Variants in PDS5B observed in about 807,000 individuals in gnomAD.
PDS5B encodes PDS5 cohesin associated factor B, also known as sister chromatid cohesion protein PDS5 homolog B.
In PDS5B, 51 loss-of-function variants were observed where a neutral mutation model predicts 184.1. That is an observed-to-expected ratio of 0.28 (90% confidence interval 0.22 to 0.35). PDS5B has a LOEUF of 0.35. PDS5B is among the 10% of genes least tolerant of loss of function. PDS5B has a pLI of 1.00. For missense variants in PDS5B, 1,180 were observed against 1,723.3 expected, an observed-to-expected ratio of 0.68 and a Z score of 5.58; for synonymous variants, 566 against 569.2, an observed-to-expected ratio of 0.99 and a Z score of 0.08.
chr13:32,719,886 G>C (rs528827475), intron 19 of PDS5B, among the ~76,000 whole-genome samples: 1 of 150,970 alleles, frequency 6.6e-6, no homozygotes, highest in South Asian at 2.1e-4. Flanking sequence ...TGCCTCCCAG[G>C]TTCTAGCAGT....
At chr13:32,723,458 G>A (rs537572066) in intron 19 of PDS5B, among the ~76,000 whole-genome samples, 1 of 152,234 alleles carries the variant, frequency 6.6e-6, no homozygotes, top group East Asian at 1.9e-4. Flanking sequence ...TTTAATGAGG[G>A]AATAAGAAAT....
intron 34 of PDS5B, among the ~76,000 whole-genome samples, chr13:32,774,787 AT>A (rs1248004928): frequency 6.6e-6 from 1 of 152,110 alleles, no homozygotes; most frequent in Non-Finnish European, 1.5e-5. Context: ...AAGTAAAATA[AT>A]TTTTTTCTTT....
chr13:32,775,088 T>A lies in PDS5B; in HGVS notation c.*36T>A. The A allele has an allele frequency of 9.4e-7, 1 of 1,059,780 alleles. No individual in the cohort carries two copies. The highest frequency in any genetic ancestry group is 1.3e-6 in the Non-Finnish European group (1 of 749,304). 65.6% of individuals were successfully genotyped at this position (1,059,780 alleles called of 1,614,324 possible). On this transcript the variant is annotated 3_prime_UTR_variant, in exon 35 of 35. Transcript: ENST00000315596. Reference sequence around the variant, plus strand: ...TTAATAACTTTCTCTGTGAAAGCTTTGGAAAAATCTTTTTTTTTTTTTTTG... The same window carrying A: ...TTAATAACTTTCTCTGTGAAAGCTTAGGAAAAATCTTTTTTTTTTTTTTTG...
At chr13:32,729,807 T>A (rs912650295) in intron 19 of PDS5B, among the ~76,000 whole-genome samples, 1 of 152,096 alleles carries the variant, frequency 6.6e-6, no homozygotes, top group Non-Finnish European at 1.5e-5. Flanking sequence ...TTCTTGTAAA[T>A]TCGTTTAAGT....
chr13:32,596,601 A>G (rs1375254096), intron 1 of PDS5B, among the ~76,000 whole-genome samples: 2 of 152,124 alleles, frequency 1.3e-5, no homozygotes, highest in Non-Finnish European at 2.9e-5. Context: ...TCCTTTTTAT[A>G]TTCCCACCTG....
At chr13:32,740,708 T>C (rs1345319083) in intron 21 of PDS5B, among the ~76,000 whole-genome samples, 1 of 152,080 alleles carries the variant, frequency 6.6e-6, no homozygotes, top group African/African-American at 2.4e-5. Flanking sequence ...ATACCTTTCT[T>C]CTTGTTTAAG....
At chr13:32,665,339 C>T (rs1950756961) in intron 6 of PDS5B, among the ~76,000 whole-genome samples, 1 of 151,878 alleles carries the variant, frequency 6.6e-6, no homozygotes, top group Non-Finnish European at 1.5e-5. Context: ...AGTCTGTAAT[C>T]CCAGCACTTT....
chr13:32,698,484 T>C (rs1291656898), intron 15 of PDS5B, among the ~76,000 whole-genome samples: 2 of 152,200 alleles, frequency 1.3e-5, no homozygotes, highest in African/African-American at 2.4e-5. Flanking sequence ...ATTTATCTTC[T>C]ATAAGTGATC....
chr13:32,729,698 T>C (rs1262563971), intron 19 of PDS5B, among the ~76,000 whole-genome samples: 2 of 152,248 alleles, frequency 1.3e-5, no homozygotes, highest in Admixed American at 1.3e-4. Context: ...TAATGACCAG[T>C]GATGATGGGC....
At position 32,660,624 on chromosome 13, in the gene PDS5B, CA is replaced by C. The variant is rs142611415; in HGVS notation, c.624+1345del. On this transcript the variant is annotated intron_variant, in intron 6 of 34. Coordinates refer to ENST00000315596, the MANE Select transcript of PDS5B (RefSeq NM_015032.4). Reference sequence around the variant, plus strand: ...ATCGAGTATCTAGCTTGGCTTTCTGCACTGAGCAGCTGACTACCAGAGGCAT... The same window carrying C: ...ATCGAGTATCTAGCTTGGCTTTCTGCCTGAGCAGCTGACTACCAGAGGCAT... Among the ~76,000 whole-genome samples the C allele has an allele frequency of 2.9e-3, 442 of 152,320 alleles. 4 individuals are homozygous for C. The highest frequency in any genetic ancestry group is 0.01 in the African/African-American group (429 of 41,572).
intron 19 of PDS5B, among the ~76,000 whole-genome samples, chr13:32,726,896 A>G (rs1251711846): frequency 2.6e-5 from 4 of 152,188 alleles, no homozygotes; most frequent in South Asian, 2.1e-4. Flanking sequence ...AGCCTGGGCA[A>G]TAGAGCAACA....
intron 1 of PDS5B, among the ~76,000 whole-genome samples, chr13:32,615,452 C>G (rs55645971): frequency 0.34 from 51,013 of 151,686 alleles, 8,735 homozygotes; most frequent in Non-Finnish European, 0.37. Context: ...GAAATGTATA[C>G]CTATCATAAT....
chr13:32,759,609 C>A lies in PDS5B; in HGVS notation c.3310-19C>A, dbSNP rs776816747. 2.1e-6 allele frequency: 3 copies of A among 1,437,306 alleles called. No individual in the cohort carries two copies. In the East Asian group the frequency reaches 6.9e-5, roughly 33 times the overall value. 89.0% of individuals were successfully genotyped at this position (1,437,306 alleles called of 1,614,324 possible). A position where few individuals can be genotyped will look rare whatever the true frequency, so the allele number is the denominator to read the frequency against. On this transcript the variant is annotated intron_variant, in intron 28 of 34. Coordinates refer to ENST00000315596, the MANE Select transcript of PDS5B (RefSeq NM_015032.4). Reference sequence around the variant, plus strand: ...GTGTTTTAATATTCACTGACTACTTCTTTTTCTCTTGGTTGTAGAATTTCA... The same window carrying A: ...GTGTTTTAATATTCACTGACTACTTATTTTTCTCTTGGTTGTAGAATTTCA...
Position 32,683,984 on chromosome 13 carries a change from C to G in PDS5B, c.1164C>G (p.His388Gln), listed in dbSNP as rs1000960337. ...AKKDILLVND[H>Q]LLNFVRERTL... ...AGGATATTCTTCTGGTCAATGATCA[C>G]TTACTTAATTTTGTGAGAGAGAGAA... The change falls in exon 11 of 35, where the codon CAC becomes CAG. Residue 388 changes from histidine (H) to glutamine (Q), a missense_variant. Coordinates refer to ENST00000315596, the MANE Select transcript of PDS5B (RefSeq NM_015032.4). 4 of 1,580,166 alleles carry G rather than the reference C, an allele frequency of 2.5e-6. No individual in the cohort carries two copies. Among genetic ancestry groups the G allele is most frequent in the African/African-American group, 2.7e-5 (2 of 74,114 alleles).
intron 13 of PDS5B, among the ~76,000 whole-genome samples, chr13:32,693,845 C>T (rs984796014): frequency 6.6e-6 from 1 of 151,496 alleles, no homozygotes; most frequent in South Asian, 2.1e-4. Context: ...AGACTGTTTA[C>T]AATTTAAATA....
At chr13:32,766,532 G>C (rs1203028270) in intron 31 of PDS5B, among the ~76,000 whole-genome samples, 1 of 152,136 alleles carries the variant, frequency 6.6e-6, no homozygotes, top group Non-Finnish European at 1.5e-5. Context: ...AGTGCCCTCA[G>C]AGAGATGAGT....
chr13:32,640,151 T>C (rs2140618230), intron 1 of PDS5B, among the ~76,000 whole-genome samples: 1 of 152,350 alleles, frequency 6.6e-6, no homozygotes, highest in African/African-American at 2.4e-5. Flanking sequence ...TTCATTGATT[T>C]TTCTTGTACT....
chr13:32,648,703 G>T (rs1179961178), intron 1 of PDS5B, 51 bp from the exon 2 acceptor site: 13 of 750,142 alleles, frequency 1.7e-5, no homozygotes, highest in Non-Finnish European at 3.1e-5. Flanking sequence ...TGTTTGTTAA[G>T]AATGTTTATA....
At chr13:32,631,714 G>A (rs2058458648) in intron 1 of PDS5B, among the ~76,000 whole-genome samples, 1 of 152,152 alleles carries the variant, frequency 6.6e-6, no homozygotes, top group Admixed American at 6.5e-5. Flanking sequence ...TTGTCAGTTG[G>A]ATATAGTATA....
Sources: gnomAD v4.1 joint callset for allele counts (sites outside exome capture counted in the v4.1 genomes callset) on GRCh38, gnomAD v4.1.1 for gene constraint, MANE v1.5 for transcripts, NCBI Gene and HGNC (gene_info 2026-07-23, HGNC 2026-07-21) for gene names.